IL1RAPL2: variants seen among roughly 807,000 people sequenced by gnomAD.
IL1RAPL2 encodes the protein interleukin 1 receptor accessory protein like 2.
Under a neutral mutation model 44.1 loss-of-function variants are expected in IL1RAPL2, and 3 were observed. The ratio of observed to expected loss-of-function variants is 0.07; its 90% CI spans 0.03 to 0.18. The LOEUF (loss-of-function observed/expected upper bound fraction) is 0.18, where lower values mean the gene tolerates loss of function less well. IL1RAPL2 is among the 10% of genes least tolerant of loss of function. The pLI, the probability that IL1RAPL2 is intolerant of heterozygous loss-of-function variation, is 1.00. For missense variants in IL1RAPL2, 391 were observed against 496.4 expected, an observed-to-expected ratio of 0.79 and a Z score of 2.02; for synonymous variants, 181 against 178.8, an observed-to-expected ratio of 1.01 and a Z score of -0.10.
intron 5 of IL1RAPL2, among the ~76,000 whole-genome samples, chrX:105,274,067 A>T (rs1001770997): frequency 1.8e-5 from 2 of 112,259 alleles, no homozygotes; most frequent in African/African-American, 3.2e-5. Flanking sequence ...TGTGTATTGC[A>T]TACCTAGAGA....
chrX:104,783,317 A>G (rs1932783680), intron 2 of IL1RAPL2, among the ~76,000 whole-genome samples: 1 of 111,002 alleles, frequency 9.0e-6, no homozygotes, highest in African/African-American at 3.3e-5. Context: ...AAAGTTAGTG[A>G]GAGGTGTTTC....
At chrX:105,681,512 C>T (rs2037925337) in intron 6 of IL1RAPL2, among the ~76,000 whole-genome samples, 1 of 112,468 alleles carries the variant, frequency 8.9e-6, no homozygotes, top group Admixed American at 9.4e-5. Context: ...AATCCTAGCA[C>T]TTTGGGAGGC....
chrX:104,867,274 TAAC>T (rs1299059964), intron 2 of IL1RAPL2, among the ~76,000 whole-genome samples: 2 of 103,623 alleles, frequency 1.9e-5, no homozygotes, highest in African/African-American at 7.0e-5. Context: ...TATAGCCATG[TAAC>T]AACAACAACA....
chrX:105,319,316 T>G (rs1445517704), intron 5 of IL1RAPL2, among the ~76,000 whole-genome samples: 1 of 111,897 alleles, frequency 8.9e-6, no homozygotes, highest in African/African-American at 3.3e-5. Flanking sequence ...TTGCATGAAG[T>G]GATCCAAGCT....
chrX:104,815,920 A>G (rs1017263840), intron 2 of IL1RAPL2, among the ~76,000 whole-genome samples: 1 of 108,818 alleles, frequency 9.2e-6, no homozygotes, highest in Non-Finnish European at 1.9e-5. Context: ...AATAAAATAC[A>G]TAGAGTCAAT....
intron 2 of IL1RAPL2, among the ~76,000 whole-genome samples, chrX:104,704,514 T>C (rs895756586): frequency 9.0e-6 from 1 of 111,434 alleles, no homozygotes; most frequent in African/African-American, 3.3e-5. Context: ...ATGGCCTCTT[T>C]GTTGAATTAT....
intron 6 of IL1RAPL2, among the ~76,000 whole-genome samples, chrX:105,565,697 A>C (rs1480189281): frequency 1.8e-5 from 2 of 111,959 alleles, no homozygotes; most frequent in African/African-American, 6.5e-5. Flanking sequence ...CTGTGTACCT[A>C]TGTAGTCAGT....
intron 2 of IL1RAPL2, among the ~76,000 whole-genome samples, chrX:105,118,373 C>G (rs2032884411): frequency 1.8e-5 from 2 of 112,139 alleles, no homozygotes; most frequent in African/African-American, 6.5e-5. Flanking sequence ...AAAGGACATC[C>G]CCAGGAAGCC....
chrX:104,892,410 G>A (rs1260517962), intron 2 of IL1RAPL2, among the ~76,000 whole-genome samples: 1 of 111,725 alleles, frequency 9.0e-6, no homozygotes, highest in African/African-American at 3.3e-5. Context: ...ATTCGGCTGT[G>A]AATCTGTCTG....
chrX:105,347,625 T>C (rs1190910969), intron 5 of IL1RAPL2, among the ~76,000 whole-genome samples: 1 of 110,027 alleles, frequency 9.1e-6, no homozygotes, highest in Non-Finnish European at 1.9e-5. Flanking sequence ...CTATAGAGGC[T>C]ACCTGGGCTA....
intron 6 of IL1RAPL2, among the ~76,000 whole-genome samples, chrX:105,573,374 T>C (rs1293583875): frequency 9.0e-6 from 1 of 111,555 alleles, no homozygotes; most frequent in African/African-American, 3.3e-5. Context: ...GTTTTTTAAT[T>C]CAGTGGACTT....
chrX:105,484,288 T>G (rs750839228), intron 5 of IL1RAPL2, 25 bp from the exon 6 acceptor site: 4 of 1,101,960 alleles, frequency 3.6e-6, no homozygotes, highest in Non-Finnish European at 5.0e-6. Context: ...ATTTTTCCAT[T>G]ACTTTCTTTC....
At chrX:104,883,929 C>A (rs984229559) in intron 2 of IL1RAPL2, among the ~76,000 whole-genome samples, 8 of 111,913 alleles carry the variant, frequency 7.1e-5, no homozygotes, top group Non-Finnish European at 1.5e-4. Flanking sequence ...GGAGATCCCT[C>A]CCCTCCCTCA....
intron 1 of IL1RAPL2, among the ~76,000 whole-genome samples, chrX:104,633,420 C>G (rs1399034130): frequency 9.0e-6 from 1 of 111,631 alleles, no homozygotes; most frequent in African/African-American, 3.3e-5. Context: ...GGAATGGTAC[C>G]AGCTCCTCCT....
chrX:105,086,776 A>C (rs1344447294), intron 2 of IL1RAPL2, among the ~76,000 whole-genome samples: 1 of 110,021 alleles, frequency 9.1e-6, no homozygotes, highest in East Asian at 2.8e-4. Context: ...ATAATTTGTC[A>C]GTTTATAATA....
intron 5 of IL1RAPL2, among the ~76,000 whole-genome samples, chrX:105,309,166 C>T (rs2034775463): frequency 9.2e-6 from 1 of 109,048 alleles, no homozygotes; most frequent in Non-Finnish European, 1.9e-5. Context: ...TCCCAAGTAG[C>T]TAGGATCATA....
intron 2 of IL1RAPL2, among the ~76,000 whole-genome samples, chrX:104,948,091 C>A (rs756290778): frequency 1.9e-5 from 2 of 107,864 alleles, no homozygotes; most frequent in African/African-American, 6.7e-5. Flanking sequence ...CTTTTATTTC[C>A]TTGAGCAGTG....
intron 5 of IL1RAPL2, among the ~76,000 whole-genome samples, chrX:105,452,278 C>T (rs2036024739): frequency 9.0e-6 from 1 of 111,123 alleles, no homozygotes. Flanking sequence ...TTTTTGAGAC[C>T]GTTTATCTTT....
intron 2 of IL1RAPL2, among the ~76,000 whole-genome samples, chrX:105,134,871 C>T (rs1171016405): frequency 1.8e-5 from 2 of 109,732 alleles, no homozygotes; most frequent in Non-Finnish European, 3.8e-5. Context: ...ATAACTTAAT[C>T]GTTGGCCCAT....
Sources: gnomAD v4.1 joint callset for allele counts (sites outside exome capture counted in the v4.1 genomes callset) on GRCh38, gnomAD v4.1.1 for gene constraint, MANE v1.5 for transcripts, NCBI Gene and HGNC (gene_info 2026-07-23, HGNC 2026-07-21) for gene names.